GRIN2A: variants seen among roughly 807,000 people sequenced by gnomAD.
GRIN2A encodes the protein glutamate receptor ionotropic, NMDA 2A.
In GRIN2A, 22 loss-of-function variants were observed where a neutral mutation model predicts 113.4. The observed-to-expected ratio is 0.19, with a 90% CI of 0.14 to 0.28. GRIN2A has a LOEUF of 0.28. GRIN2A is among the 10% of genes least tolerant of loss of function. GRIN2A has a pLI of 1.00. For missense variants in GRIN2A, 1,502 were observed against 1,887.0 expected, an observed-to-expected ratio of 0.80 and a Z score of 3.78; for synonymous variants, 827 against 738.4, an observed-to-expected ratio of 1.12 and a Z score of -1.94.
rs542635522 is a variant in GRIN2A, at chr16:9,940,849, C to T, written c.415-2298G>A. ...AAGACCTATAAACCTCAGCAGTTGT[C>T]CACAGAACTTCATTAATGCCAAAAT... On this transcript the variant is annotated intron_variant, in intron 2 of 12. Coordinates refer to ENST00000330684, the MANE Select transcript of GRIN2A (RefSeq NM_001134407.3). Among the ~76,000 whole-genome samples the T allele has an allele frequency of 2.0e-5, 3 of 152,250 alleles. No homozygotes were observed. In the South Asian group the frequency reaches 6.2e-4, roughly 32 times the overall value.
chr16:9,790,263 T>C (rs1320003376), intron 11 of GRIN2A, among the ~76,000 whole-genome samples: 4 of 152,196 alleles, frequency 2.6e-5, no homozygotes, highest in Admixed American at 6.5e-5. Context: ...GGACCATCAC[T>C]GGTTTTGTGT....
intron 2 of GRIN2A, among the ~76,000 whole-genome samples, chr16:9,968,854 G>C (rs532229452): frequency 6.6e-6 from 1 of 152,020 alleles, no homozygotes; most frequent in Non-Finnish European, 1.5e-5. Flanking sequence ...TGATCCGCCC[G>C]CCTCAGCCTT....
intron 2 of GRIN2A, among the ~76,000 whole-genome samples, chr16:10,139,255 G>A (rs1019716594): frequency 2.0e-5 from 3 of 152,162 alleles, no homozygotes; most frequent in Non-Finnish European, 2.9e-5. Flanking sequence ...TTTGCACCTC[G>A]TGTCTCAGTG....
At chr16:10,134,063 G>T (rs2142228571) in intron 2 of GRIN2A, among the ~76,000 whole-genome samples, 1 of 152,128 alleles carries the variant, frequency 6.6e-6, no homozygotes, top group East Asian at 1.9e-4. Flanking sequence ...GGGTATGGTG[G>T]TGCATGCCTG....
chr16:9,821,093 C>G (rs1163704986), intron 10 of GRIN2A, among the ~76,000 whole-genome samples: 1 of 151,958 alleles, frequency 6.6e-6, no homozygotes, highest in African/African-American at 2.4e-5. Flanking sequence ...AGACACAAAG[C>G]CAGCAGCAAG....
intron 2 of GRIN2A, among the ~76,000 whole-genome samples, chr16:10,166,697 G>A (rs2049932250): frequency 6.6e-6 from 1 of 152,182 alleles, no homozygotes; most frequent in Non-Finnish European, 1.5e-5. Flanking sequence ...GCCAAGAAAT[G>A]TATGAAGAAT....
At chr16:9,958,845 CA>C (rs1311289574) in intron 2 of GRIN2A, among the ~76,000 whole-genome samples, 4 of 152,134 alleles carry the variant, frequency 2.6e-5, no homozygotes, top group Admixed American at 1.3e-4. Flanking sequence ...AAAATCGATA[CA>C]AGCATGGGCT....
intron 2 of GRIN2A, among the ~76,000 whole-genome samples, chr16:9,986,416 A>G (rs2045979930): frequency 6.6e-6 from 1 of 152,196 alleles, no homozygotes; most frequent in African/African-American, 2.4e-5. Flanking sequence ...TGTCGATTTT[A>G]TTTTATAGTG....
chr16:10,134,071 C>T (rs2049134287), intron 2 of GRIN2A, among the ~76,000 whole-genome samples: 1 of 151,888 alleles, frequency 6.6e-6, no homozygotes, highest in African/African-American at 2.4e-5. Context: ...TGGTGCATGC[C>T]TGTAGTCCAA....
rs371774355 is a variant in GRIN2A, at chr16:9,979,473, A to G, written c.415-40922T>C. 7.9e-5 allele frequency among the ~76,000 whole-genome samples: 12 copies of G among 152,062 alleles called. No individual in the cohort carries two copies. In the East Asian group the frequency reaches 2.1e-3, roughly 27 times the overall value. On this transcript the variant is annotated intron_variant, in intron 2 of 12. Transcript: ENST00000330684. ...TTCCCATCATCAGGACCTCCTTTTT[A>G]TCCTTCAGATTTCAGCTTAAACGTC...
At chr16:10,116,305 A>G (rs141917588) in intron 2 of GRIN2A, among the ~76,000 whole-genome samples, 292 of 152,302 alleles carry the variant, frequency 1.9e-3, no homozygotes, top group Middle Eastern at 6.8e-3. Flanking sequence ...AACACACACC[A>G]GAGTCTGTTG....
At chr16:9,988,952 G>C (rs1418603992) in intron 2 of GRIN2A, among the ~76,000 whole-genome samples, 2 of 152,004 alleles carry the variant, frequency 1.3e-5, no homozygotes, top group Non-Finnish European at 2.9e-5. Context: ...TTGATATCTT[G>C]GTCCATTATT....
At chr16:10,104,134 G>A (rs2048450328) in intron 2 of GRIN2A, among the ~76,000 whole-genome samples, 1 of 152,106 alleles carries the variant, frequency 6.6e-6, no homozygotes, top group Admixed American at 6.5e-5. Context: ...TTTTTCTCTA[G>A]GACTAAATAA....
At chr16:10,110,373 T>A (rs959332228) in intron 2 of GRIN2A, among the ~76,000 whole-genome samples, 22 of 152,350 alleles carry the variant, frequency 1.4e-4, no homozygotes, top group East Asian at 3.9e-4. Flanking sequence ...TTGGATTTTT[T>A]AATAAATTCT....
At chr16:10,108,953 G>C (rs775139387) in intron 2 of GRIN2A, among the ~76,000 whole-genome samples, 2 of 149,560 alleles carry the variant, frequency 1.3e-5, no homozygotes, top group African/African-American at 2.5e-5. Context: ...AAGACATTTA[G>C]GCTGAGAAGC....
intron 3 of GRIN2A, among the ~76,000 whole-genome samples, chr16:9,920,641 A>G (rs937871985): frequency 6.7e-6 from 1 of 149,668 alleles, no homozygotes; most frequent in Non-Finnish European, 1.5e-5. Flanking sequence ...ATCTCGGCTC[A>G]CTGCAACCTC....
At chr16:9,950,325 C>T (rs543509895) in intron 2 of GRIN2A, among the ~76,000 whole-genome samples, 1 of 152,218 alleles carries the variant, frequency 6.6e-6, no homozygotes, top group African/African-American at 2.4e-5. Context: ...TCCTAGGTAT[C>T]TTTAGTCTTG....
intron 2 of GRIN2A, among the ~76,000 whole-genome samples, chr16:10,157,963 G>A (rs2049734492): frequency 6.6e-6 from 1 of 151,872 alleles, no homozygotes; most frequent in Admixed American, 6.6e-5. Context: ...ATTATTGGCA[G>A]TGATATACCA....
At chr16:10,059,722 A>G (rs1042825370) in intron 2 of GRIN2A, among the ~76,000 whole-genome samples, 2 of 3,814 alleles carry the variant, frequency 5.2e-4, no homozygotes, top group African/African-American at 1.1e-3. Flanking sequence ...TCGTGACCGA[A>G]AAAAAAAAAA....
Sources: allele counts gnomAD v4.1 joint callset (sites outside exome capture counted in the v4.1 genomes callset), GRCh38; gene constraint gnomAD v4.1.1; transcripts MANE v1.5; gene names NCBI Gene and HGNC (gene_info 2026-07-23, HGNC 2026-07-21).